Variants in ARHGAP22 observed in about 807,000 individuals in gnomAD.
ARHGAP22 encodes the protein rho GTPase-activating protein 22.
Under a neutral mutation model 59.1 loss-of-function variants are expected in ARHGAP22, and 48 were observed. The observed-to-expected ratio is 0.81, with a 90% CI of 0.64 to 1.03. The LOEUF (loss-of-function observed/expected upper bound fraction) is 1.03, where lower values mean the gene tolerates loss of function less well. ARHGAP22 is among the 50% of genes least tolerant of loss of function. The pLI is 0.00. For synonymous variants in ARHGAP22, 445 were observed against 416.4 expected (o/e 1.07, Z -0.84); for missense variants, 1,015 against 958.7 (o/e 1.06, Z -0.78).
intron 3 of ARHGAP22, among the ~76,000 whole-genome samples, chr10:48,511,215 C>T (rs769559414): frequency 1.2e-4 from 19 of 152,298 alleles, no homozygotes; most frequent in African/African-American, 3.8e-4. Flanking sequence ...TACTGGTGGA[C>T]GCACATCCTG....
chr10:48,444,234 T>TAAC (rs2045270633), downstream of ARHGAP22: 1 of 152,222 alleles, frequency 6.6e-6, no homozygotes. Flanking sequence ...GTAATTACAA[T>TAAC]AACAAGTACA....
chr10:48,439,340 AGTG>A, the ARHGAP22 span: 37 of 151,220 alleles, frequency 2.4e-4, no homozygotes, highest in African/African-American at 3.9e-4. Flanking sequence ...AAAAGAAAAA[AGTG>A]GTATGAAAAT....
chr10:48,475,118 T>C (rs918674396), intron 4 of ARHGAP22, among the ~76,000 whole-genome samples: 1 of 152,190 alleles, frequency 6.6e-6, no homozygotes, highest in African/African-American at 2.4e-5. Context: ...CCCACTATTA[T>C]CAGGCATTCC....
At chr10:48,558,097 T>C (rs2135355239) in intron 2 of ARHGAP22, among the ~76,000 whole-genome samples, 1 of 152,246 alleles carries the variant, frequency 6.6e-6, no homozygotes, top group Non-Finnish European at 1.5e-5. Context: ...GTTTGCTAAC[T>C]TCAGTGATAT....
At chr10:48,555,407 A>C in intron 3 of ARHGAP22, 56 bp downstream of exon 3, 4 of 1,542,362 alleles carry the variant, frequency 2.6e-6, no homozygotes, top group Non-Finnish European at 3.6e-6. Flanking sequence ...TTCCCAGGCC[A>C]GGGGCATGGC....
chr10:48,556,494 T>A (rs1200754170), intron 2 of ARHGAP22: 1 of 152,232 alleles, frequency 6.6e-6, no homozygotes, highest in Non-Finnish European at 1.5e-5. Context: ...AGACTTGGTA[T>A]GGCTTCACTA....
chr10:48,472,759 C>T (rs2048348218), intron 4 of ARHGAP22, among the ~76,000 whole-genome samples: 1 of 152,002 alleles, frequency 6.6e-6, no homozygotes, highest in African/African-American at 2.4e-5. Context: ...ACTCTCTCAC[C>T]TCTTTCAACA....
chr10:48,438,908 T>A, the ARHGAP22 span: 1 of 152,232 alleles, frequency 6.6e-6, no homozygotes, highest in Non-Finnish European at 1.5e-5. Context: ...TAAATCTTAG[T>A]AAAAATTTTA....
chr10:48,435,927 G>A, the ARHGAP22 span: 1 of 152,256 alleles, frequency 6.6e-6, no homozygotes, highest in Non-Finnish European at 1.5e-5. Flanking sequence ...TACTCAGGCT[G>A]TAGGTCCCAG....
At chr10:48,619,446 T>G (rs1453860962) in intron 1 of ARHGAP22, among the ~76,000 whole-genome samples, 1 of 151,950 alleles carries the variant, frequency 6.6e-6, no homozygotes, top group Non-Finnish European at 1.5e-5. Flanking sequence ...AAAAATAAAC[T>G]CAAAGTGTTG....
intron 1 of ARHGAP22, among the ~76,000 whole-genome samples, chr10:48,591,564 G>C (rs952936061): frequency 2.0e-5 from 3 of 152,194 alleles, no homozygotes; most frequent in African/African-American, 4.8e-5. Flanking sequence ...GTACCATTTA[G>C]ATAGGTACTT....
chr10:48,504,071 G>A (rs2051820182), intron 3 of ARHGAP22, among the ~76,000 whole-genome samples: 1 of 152,088 alleles, frequency 6.6e-6, no homozygotes, highest in African/African-American at 2.4e-5. Flanking sequence ...ATGGGAAGGA[G>A]GGAGAGCCCC....
intron 1 of ARHGAP22, among the ~76,000 whole-genome samples, chr10:48,637,447 G>A (rs551407795): frequency 6.6e-6 from 1 of 151,656 alleles, no homozygotes; most frequent in African/African-American, 2.4e-5. Context: ...GGGTGAATGG[G>A]TGGATTTGTA....
At chr10:48,567,380 TACTAGTGCCCC>T (rs1461455596) in intron 2 of ARHGAP22, among the ~76,000 whole-genome samples, 2 of 152,048 alleles carry the variant, frequency 1.3e-5, no homozygotes, top group Non-Finnish European at 2.9e-5. Flanking sequence ...GAGTCACTAG[TACTAGTGCCCC>T]GGCCTTGGTG....
chr10:48,556,030 C>T (rs942926159), intron 2 of ARHGAP22, among the ~76,000 whole-genome samples: 14 of 152,164 alleles, frequency 9.2e-5, no homozygotes, highest in African/African-American at 3.4e-4. Context: ...AGATAGGAGT[C>T]AGTTACCATG....
chr10:48,560,936 A>G (rs2135388323), intron 2 of ARHGAP22, among the ~76,000 whole-genome samples: 1 of 152,272 alleles, frequency 6.6e-6, no homozygotes, highest in South Asian at 2.1e-4. Context: ...CTAAGTTCAC[A>G]AAGAATATTG....
intron 4 of ARHGAP22, among the ~76,000 whole-genome samples, chr10:48,472,710 G>A (rs11101337): frequency 6.6e-6 from 1 of 152,100 alleles, no homozygotes; most frequent in African/African-American, 2.4e-5. Context: ...AAGCTATGGC[G>A]TCAGTCTAGC....
chr10:48,588,851 T>C (rs1380433801), intron 1 of ARHGAP22, among the ~76,000 whole-genome samples: 1 of 152,176 alleles, frequency 6.6e-6, no homozygotes, highest in Middle Eastern at 3.2e-3. Flanking sequence ...ATGCTGACCC[T>C]GAGGTGCCGA....
At chr10:48,583,454 T>C (rs2059239543) in intron 1 of ARHGAP22, among the ~76,000 whole-genome samples, 1 of 152,224 alleles carries the variant, frequency 6.6e-6, no homozygotes, top group Non-Finnish European at 1.5e-5. Flanking sequence ...CATCCATGTA[T>C]CCAACCATGC....
Sources: gnomAD v4.1 joint callset for allele counts (sites outside exome capture counted in the v4.1 genomes callset) on GRCh38, gnomAD v4.1.1 for gene constraint, MANE v1.5 for transcripts, NCBI Gene and HGNC (gene_info 2026-07-23, HGNC 2026-07-21) for gene names.